COL11A1: variants seen among roughly 807,000 people sequenced by gnomAD.
The protein encoded by COL11A1 is collagen type XI alpha 1 chain.
Under a neutral mutation model 265.2 loss-of-function variants are expected in COL11A1, and 74 were observed. The observed-to-expected ratio is 0.28, with a 90% CI of 0.23 to 0.34. The LOEUF (loss-of-function observed/expected upper bound fraction) is 0.34. Among genes scored for constraint, COL11A1 ranks in the 10% least tolerant of loss-of-function variants. COL11A1 has a pLI of 1.00. For synonymous variants in COL11A1, 816 were observed against 727.6 expected, an observed-to-expected ratio of 1.12 and a Z score of -1.96; for missense variants, 2,165 against 2,263.6, an observed-to-expected ratio of 0.96 and a Z score of 0.88.
intron 54 of COL11A1, among the ~76,000 whole-genome samples, chr1:102,909,977 T>A: frequency 6.6e-6 from 1 of 152,106 alleles, no homozygotes; most frequent in Admixed American, 6.5e-5. Flanking sequence ...ACTGAAAATA[T>A]TTTGAAAGTT....
chr1:102,935,130 A>T lies in COL11A1; in HGVS notation c.3439-17T>A. 6.2e-7 allele frequency: 1 copy of T among 1,611,902 alleles called. No homozygotes were observed. The highest frequency in any genetic ancestry group is 8.5e-7 in the Non-Finnish European group (1 of 1,178,584). Reference sequence around the variant, plus strand: ...GGGAGGGCCCTGCAGTGAGATAAAAATAAGTAATTTTTAAAGTGAAGCCAG... The same window carrying T: ...GGGAGGGCCCTGCAGTGAGATAAAATTAAGTAATTTTTAAAGTGAAGCCAG... On this transcript the variant is annotated splice_polypyrimidine_tract_variant and intron_variant, in intron 44 of 66. Coordinates refer to ENST00000370096, the MANE Select transcript of COL11A1 (RefSeq NM_001854.4).
At chr1:103,075,606 T>C (rs1571222416) in intron 3 of COL11A1, among the ~76,000 whole-genome samples, 2 of 152,210 alleles carry the variant, frequency 1.3e-5, no homozygotes, top group East Asian at 3.9e-4. Context: ...AAATGGTGGG[T>C]TTTATTAACA....
At chr1:102,933,833 G>A (rs369129923) in intron 46 of COL11A1, among the ~76,000 whole-genome samples, 8 of 152,298 alleles carry the variant, frequency 5.3e-5, no homozygotes, top group Non-Finnish European at 7.3e-5. Context: ...GCAGTATTCC[G>A]GTGGGAGTGA....
In COL11A1 at chr1:103,108,127, T is replaced by A. The variant is rs114630202; in HGVS notation, c.52A>T (p.Thr18Ser). The change falls in exon 1 of 67, where the codon ACC becomes TCC. Residue 18 changes from threonine to serine, a missense_variant. Transcript: ENST00000370096. ...WKTKRWLWDF[T>S]VTTLALTFLF... ...AAGGTCAATGCGAGGGTTGTTACGG[T>A]GAAATCCCAGAGCCACCGTTTCGTT... is the stretch of plus-strand genomic sequence containing the variant. 3.2e-4 allele frequency: 511 copies of A among 1,613,752 alleles called. 2 individuals carry two copies. In the African/African-American group the frequency reaches 5.8e-3, roughly 18 times the overall value.
intron 5 of COL11A1, among the ~76,000 whole-genome samples, chr1:103,030,591 CAACT>C (rs2101991812): frequency 6.6e-6 from 1 of 151,856 alleles, no homozygotes; most frequent in East Asian, 1.9e-4. Context: ...GTTTTGCTCC[CAACT>C]GAGGCTTAAA....
intron 41 of COL11A1, among the ~76,000 whole-genome samples, chr1:102,958,872 G>A (rs1351245436): frequency 6.6e-6 from 1 of 152,124 alleles, no homozygotes; most frequent in African/African-American, 2.4e-5. Context: ...TCTTGATGAG[G>A]TAAAATTGCT....
At chr1:103,059,692 T>G (rs549767051) in intron 4 of COL11A1, among the ~76,000 whole-genome samples, 2 of 152,056 alleles carry the variant, frequency 1.3e-5, no homozygotes, top group East Asian at 3.9e-4. Flanking sequence ...GAATCAAAAA[T>G]AAATGCTGTA....
chr1:103,085,343 C>T (rs1213161357), intron 1 of COL11A1, among the ~76,000 whole-genome samples: 2 of 152,184 alleles, frequency 1.3e-5, no homozygotes, highest in African/African-American at 4.8e-5. Flanking sequence ...GGAACCAGTC[C>T]TGGACAGGAC....
intron 58 of COL11A1, among the ~76,000 whole-genome samples, chr1:102,890,246 G>A (rs1651573072): frequency 6.6e-6 from 1 of 152,020 alleles, no homozygotes; most frequent in African/African-American, 2.4e-5. Context: ...AGAAGATATA[G>A]CACTGAATTC....
At chr1:103,025,806 C>G in intron 6 of COL11A1, 193 bp from the exon 7 acceptor site, 1 of 1,613,044 alleles carries the variant, frequency 6.2e-7, no homozygotes, top group African/African-American at 1.3e-5. Context: ...CTACCTTTAC[C>G]CCTAGTTTGG....
At chr1:103,012,022 A>C (rs926179587) in intron 14 of COL11A1, among the ~76,000 whole-genome samples, 1 of 152,152 alleles carries the variant, frequency 6.6e-6, no homozygotes, top group Non-Finnish European at 1.5e-5. Flanking sequence ...TTGTGTCATA[A>C]TTTTCATTGG....
At position 102,877,841 on chromosome 1, in the gene COL11A1, T is replaced by C; in HGVS notation, c.*178A>G. On this transcript the variant is annotated 3_prime_UTR_variant, in exon 67 of 67. Transcript: ENST00000370096. ...ACACCAACTTATATCTTTATGATTT[T>C]CAAAGCTTTTGCCATGTGATTCTGC... 1.7e-6 allele frequency: 1 copy of C among 596,704 alleles called. No individual in the cohort carries two copies. Among genetic ancestry groups the C allele is most frequent in the Non-Finnish European group, 3.0e-6 (1 of 336,212 alleles). The allele number at this position is 596,704 out of a possible 1,614,324, so 37.0% of individuals were successfully genotyped here.
chr1:102,948,786 A>G (rs1042413417), intron 41 of COL11A1, among the ~76,000 whole-genome samples: 4 of 152,040 alleles, frequency 2.6e-5, no homozygotes, highest in Non-Finnish European at 1.5e-5. Flanking sequence ...TATGAATAAA[A>G]TAGTCAACCA....
intron 46 of COL11A1, among the ~76,000 whole-genome samples, chr1:102,934,023 G>C (rs1657868398): frequency 6.6e-6 from 1 of 152,184 alleles, no homozygotes; most frequent in African/African-American, 2.4e-5. Context: ...CGGTACCTCA[G>C]ATGAAAATGC....
At position 102,879,860 on chromosome 1, in the gene COL11A1, C is replaced by G. The variant is rs1650011278; in HGVS notation, c.5097G>C (p.Leu1699=). ...GCCGAGCAGAGGCAGTCAGAAGTTTCAGGAATGTCATTTGCACCATATTGA... is the reference window on the plus strand; with the variant it reads ...GCCGAGCAGAGGCAGTCAGAAGTTTGAGGAATGTCATTTGCACCATATTGA... ...NSINMVQMTF[L]KLLTASARQN... is the part of the protein sequence containing the mutation. Residue 1699 remains leucine (L), a synonymous_variant, in exon 66 of 67, where the codon CTG becomes CTC. Coordinates refer to ENST00000370096, the MANE Select transcript of COL11A1 (RefSeq NM_001854.4). 6.2e-7 allele frequency: 1 copy of G among 1,613,784 alleles called. No individual in the cohort carries two copies. Among genetic ancestry groups the G allele is most frequent in the African/African-American group, 1.3e-5 (1 of 74,886 alleles).
Position 102,956,112 on chromosome 1 carries a change from C to A in COL11A1, c.3168+5754G>T, listed in dbSNP as rs561454229. Among the ~76,000 whole-genome samples the A allele has an allele frequency of 1.5e-4, 23 of 152,268 alleles. No individual in the cohort carries two copies. In the East Asian group the frequency reaches 4.0e-3, roughly 27 times the overall value. ...TCCCAGGACCAAAACCTTTAGATAA[C>A]CCTAACCTTGAAATACTAGTTCTTT... On this transcript the variant is annotated intron_variant, in intron 41 of 66. Transcript: ENST00000370096.
Position 102,918,243 on chromosome 1 carries a change from T to C in COL11A1, c.3762+2068A>G, listed in dbSNP as rs371150464. 2.0e-4 allele frequency among the ~76,000 whole-genome samples: 30 copies of C among 151,876 alleles called. No individual in the cohort carries two copies. In the East Asian group the frequency reaches 4.6e-3, roughly 23 times the overall value. On this transcript the variant is annotated intron_variant, in intron 49 of 66. Coordinates refer to ENST00000370096, the MANE Select transcript of COL11A1 (RefSeq NM_001854.4). Reference sequence around the variant, plus strand: ...TATAAAGCACTTGTTTAGGTACATATTTTTTCAGAAAGAACAACAAATTAC... The same window carrying C: ...TATAAAGCACTTGTTTAGGTACATACTTTTTCAGAAAGAACAACAAATTAC...
rs374055950 is a variant in COL11A1 at position 102,877,107 on chromosome 1, C to T, written c.*912G>A. ...CACTGAAAACAAGGAGATGAGATAA[C>T]GTAGAAAAAAAGTATACATATGATT... is the stretch of plus-strand genomic sequence containing the variant. On this transcript the variant is annotated 3_prime_UTR_variant, in exon 67 of 67. Coordinates refer to ENST00000370096, the MANE Select transcript of COL11A1 (RefSeq NM_001854.4). The T allele has an allele frequency of 3.9e-5, 6 of 152,498 alleles. No individual in the cohort carries two copies. Among genetic ancestry groups the T allele is most frequent in the South Asian group, 2.1e-4 (1 of 4,830 alleles). The allele number at this position is 152,498 out of a possible 1,614,324, so 9.4% of individuals were successfully genotyped here. A position where few individuals can be genotyped will look rare whatever the true frequency, so the allele number is the denominator to read the frequency against.
chr1:102,920,294 G>A lies in COL11A1; in HGVS notation c.3762+17C>T. 1.2e-6 allele frequency: 2 copies of A among 1,610,334 alleles called. No individual in the cohort carries two copies. Among genetic ancestry groups the A allele is most frequent in the African/African-American group, 1.3e-5 (1 of 74,918 alleles). On this transcript the variant is annotated intron_variant, in intron 49 of 66. Coordinates refer to ENST00000370096, the MANE Select transcript of COL11A1 (RefSeq NM_001854.4). Reference sequence around the variant, plus strand: ...TAATTCATGCTGTTTCAAACTGTGTGTCACTAACATATTTACCTTTTCTCC... The same window carrying A: ...TAATTCATGCTGTTTCAAACTGTGTATCACTAACATATTTACCTTTTCTCC...
Sources: gnomAD v4.1 joint callset for allele counts (sites outside exome capture counted in the v4.1 genomes callset) on GRCh38, gnomAD v4.1.1 for gene constraint, MANE v1.5 for transcripts, NCBI Gene and HGNC (gene_info 2026-07-23, HGNC 2026-07-21) for gene names.